Variants in SGCG observed in about 807,000 individuals in gnomAD.
The protein encoded by SGCG is gamma-sarcoglycan.
SGCG carries 26 observed loss-of-function variants against 29.3 expected under a neutral mutation model. The observed-to-expected ratio is 0.89, with a 90% CI of 0.65 to 1.23. The LOEUF is 1.23. SGCG is among the 50% of genes most tolerant of loss of function. The pLI, the probability that SGCG is intolerant of heterozygous loss-of-function variation, is 0.00. For synonymous variants in SGCG, 145 were observed against 129.7 expected, an observed-to-expected ratio of 1.12 and a Z score of -0.80; for missense variants, 353 against 356.0, an observed-to-expected ratio of 0.99 and a Z score of 0.07.
intron 6 of SGCG, among the ~76,000 whole-genome samples, chr13:23,312,169 T>C (rs1031693552): frequency 4.6e-5 from 7 of 152,224 alleles, no homozygotes; most frequent in Admixed American, 6.5e-5. Flanking sequence ...AGATGTCATA[T>C]TCATAGAATC....
At chr13:23,293,597 A>G (rs4611306) in intron 5 of SGCG, among the ~76,000 whole-genome samples, 13,792 of 152,260 alleles carry the variant, frequency 0.091, 686 homozygotes, top group South Asian at 0.13. Flanking sequence ...TAGGAAGGCC[A>G]AGGAAGACAG....
intron 3 of SGCG, among the ~76,000 whole-genome samples, chr13:23,240,955 C>T (rs970381112): frequency 4.6e-5 from 7 of 151,836 alleles, no homozygotes; most frequent in African/African-American, 1.7e-4. Context: ...AGATCGAGAC[C>T]ATCCTAACAC....
At chr13:23,201,164 T>C (rs1361025240) in intron 1 of SGCG, among the ~76,000 whole-genome samples, 2 of 139,400 alleles carry the variant, frequency 1.4e-5, no homozygotes, top group African/African-American at 2.6e-5. Flanking sequence ...GAGGTGCTGA[T>C]TAGGGGACCT....
intron 5 of SGCG, among the ~76,000 whole-genome samples, chr13:23,290,517 C>T (rs1052248609): frequency 7.2e-5 from 11 of 152,112 alleles, no homozygotes; most frequent in African/African-American, 2.4e-4. Context: ...TTTATTATTA[C>T]GGAAGTTATT....
chr13:23,171,412 C>A, the SGCG span, among the ~76,000 whole-genome samples: 1 of 152,164 alleles, frequency 6.6e-6, no homozygotes, highest in Non-Finnish European at 1.5e-5. Flanking sequence ...CAGCTGACTT[C>A]AAAGCCTGAG....
At chr13:23,312,373 G>T (rs1292775308) in intron 6 of SGCG, among the ~76,000 whole-genome samples, 1 of 152,122 alleles carries the variant, frequency 6.6e-6, no homozygotes, top group African/African-American at 2.4e-5. Context: ...TTGAAAACTA[G>T]AAAGGGACTA....
chr13:23,243,437 T>G (rs1288429233), intron 3 of SGCG: 1 of 152,294 alleles, frequency 6.6e-6, no homozygotes, highest in Non-Finnish European at 1.5e-5. Context: ...GATCTCAGCT[T>G]ATCTCCCATT....
intron 4 of SGCG, among the ~76,000 whole-genome samples, chr13:23,251,472 G>A (rs1202604881): frequency 2.6e-5 from 4 of 152,146 alleles, no homozygotes; most frequent in Admixed American, 6.5e-5. Flanking sequence ...AATATCAGAA[G>A]AGCAAACCAG....
At chr13:23,205,421 G>A (rs984760455) in intron 2 of SGCG, among the ~76,000 whole-genome samples, 7 of 152,196 alleles carry the variant, frequency 4.6e-5, no homozygotes, top group Admixed American at 6.5e-5. Context: ...TTATGCAGAA[G>A]GTTAAGAGAG....
At chr13:23,174,429 G>A in the SGCG span, among the ~76,000 whole-genome samples, 1 of 152,182 alleles carries the variant, frequency 6.6e-6, no homozygotes, top group Non-Finnish European at 1.5e-5. Context: ...TTAGTCACAC[G>A]AGAAAGTCAT....
intron 6 of SGCG, among the ~76,000 whole-genome samples, chr13:23,318,538 A>G (rs1458880867): frequency 1.3e-5 from 2 of 151,624 alleles, no homozygotes; most frequent in African/African-American, 2.4e-5. Flanking sequence ...AAACTCTTTT[A>G]CTTTTCATTG....
intron 4 of SGCG, among the ~76,000 whole-genome samples, chr13:23,254,195 A>C (rs1880091513): frequency 6.6e-6 from 1 of 152,038 alleles, no homozygotes; most frequent in East Asian, 1.9e-4. Context: ...AAGATGACAG[A>C]AAGTTTGGGA....
chr13:23,214,660 C>T (rs1015098996), intron 2 of SGCG, among the ~76,000 whole-genome samples: 13 of 152,132 alleles, frequency 8.5e-5, no homozygotes, highest in African/African-American at 2.2e-4. Flanking sequence ...TAATGATGCC[C>T]GGCTCACACT....
At position 23,314,290 on chromosome 13, in the gene SGCG, T is replaced by A. The variant is rs558827154; in HGVS notation, c.579-6347T>A. On this transcript the variant is annotated intron_variant, in intron 6 of 7. Transcript: ENST00000218867. ...GGACAGAACTAATAAGATATGGACT[T>A]GGAATATCTTACATTGATGGACATC... Among the ~76,000 whole-genome samples, 5 of 147,690 alleles carry A rather than the reference T, an allele frequency of 3.4e-5. No individual in the cohort carries two copies. In the East Asian group the frequency reaches 1.0e-3, roughly 30 times the overall value.
chr13:23,321,054 C>T (rs939359039), intron 7 of SGCG, among the ~76,000 whole-genome samples: 1 of 152,010 alleles, frequency 6.6e-6, no homozygotes, highest in African/African-American at 2.4e-5. Context: ...ACACTACAGA[C>T]GTTCACAGTT....
intron 6 of SGCG, among the ~76,000 whole-genome samples, chr13:23,299,900 A>AT (rs1882086880): frequency 6.6e-6 from 1 of 152,198 alleles, no homozygotes; most frequent in South Asian, 2.1e-4. Flanking sequence ...TATGTGCCAG[A>AT]TATAAAAGGC....
intron 2 of SGCG, among the ~76,000 whole-genome samples, chr13:23,210,212 T>C (rs965894149): frequency 1.3e-5 from 2 of 152,224 alleles, no homozygotes; most frequent in African/African-American, 4.8e-5. Flanking sequence ...TTTTGAAATA[T>C]TTTGAAATGA....
At chr13:23,234,226 C>G (rs1284253839) in intron 2 of SGCG, among the ~76,000 whole-genome samples, 1 of 152,148 alleles carries the variant, frequency 6.6e-6, no homozygotes, top group Non-Finnish European at 1.5e-5. Context: ...ATACTGTATT[C>G]TGATTGTGTT....
chr13:23,187,628 A>G (rs1877042571), intron 1 of SGCG, among the ~76,000 whole-genome samples: 1 of 152,048 alleles, frequency 6.6e-6, no homozygotes, highest in South Asian at 2.1e-4. Flanking sequence ...TGGCCAGGAG[A>G]GGTGCATTAG....
Sources: allele counts gnomAD v4.1 joint callset (sites outside exome capture counted in the v4.1 genomes callset), GRCh38; gene constraint gnomAD v4.1.1; transcripts MANE v1.5; gene names NCBI Gene and HGNC (gene_info 2026-07-23, HGNC 2026-07-21).